Variants in GFRA2 observed in about 807,000 individuals in gnomAD.
GFRA2 encodes GDNF family receptor alpha-2.
GFRA2 carries 17 observed loss-of-function variants against 48.3 expected under a neutral mutation model. The observed-to-expected ratio is 0.35, with a 90% CI of 0.24 to 0.53. GFRA2 has a LOEUF of 0.53. GFRA2 is among the 20% of genes least tolerant of loss of function. The pLI is 0.93. For missense variants in GFRA2, 660 were observed against 637.3 expected (o/e 1.04, Z -0.38); for synonymous variants, 305 against 257.2 (o/e 1.19, Z -1.78).
At chr8:21,707,380 G>T (rs1384203368) in intron 4 of GFRA2, among the ~76,000 whole-genome samples, 2 of 152,222 alleles carry the variant, frequency 1.3e-5, no homozygotes, top group Admixed American at 1.3e-4. Flanking sequence ...AGGCTGAGAG[G>T]GACTGAGCCA....
chr8:21,694,365 G>T (rs529825843), intron 8 of GFRA2, 99 bp downstream of exon 8: 2 of 1,159,186 alleles, frequency 1.7e-6, no homozygotes, highest in East Asian at 2.6e-5. Flanking sequence ...CAGCCCATGC[G>T]ATGAGATTTG....
At chr8:21,711,801 T>C (rs2117399304) in intron 4 of GFRA2, among the ~76,000 whole-genome samples, 1 of 152,114 alleles carries the variant, frequency 6.6e-6, no homozygotes, top group Non-Finnish European at 1.5e-5. Flanking sequence ...CAAAGGTCTC[T>C]GGTTTTCCTA....
intron 4 of GFRA2, among the ~76,000 whole-genome samples, chr8:21,710,443 C>A (rs890674194): frequency 1.3e-5 from 2 of 152,238 alleles, no homozygotes; most frequent in Admixed American, 1.3e-4. Flanking sequence ...CGGTCCCACA[C>A]AGGGCAAGTG....
At chr8:21,766,558 A>G (rs763738410) in intron 3 of GFRA2, among the ~76,000 whole-genome samples, 1 of 151,466 alleles carries the variant, frequency 6.6e-6, no homozygotes, top group African/African-American at 2.4e-5. Flanking sequence ...CAAACACACG[A>G]ACCAAGTGCA....
intron 4 of GFRA2, among the ~76,000 whole-genome samples, chr8:21,745,681 C>G (rs1441433013): frequency 1.3e-5 from 2 of 152,210 alleles, no homozygotes; most frequent in Non-Finnish European, 2.9e-5. Context: ...CAGGTGCCCC[C>G]TTGAGCCACC....
intron 4 of GFRA2, among the ~76,000 whole-genome samples, chr8:21,746,111 T>C (rs145629775): frequency 3.3e-5 from 5 of 152,152 alleles, no homozygotes; most frequent in East Asian, 1.9e-4. Flanking sequence ...AGGAGTGAAA[T>C]AGCCCACTGA....
chr8:21,809,462 C>A (rs935799294), intron 1 of GFRA2, among the ~76,000 whole-genome samples: 11 of 151,304 alleles, frequency 7.3e-5, no homozygotes, highest in Non-Finnish European at 1.0e-4. Flanking sequence ...GTAGCTGGGA[C>A]TACAGGCGCC....
At chr8:21,797,852 C>G (rs1807705338) in intron 2 of GFRA2, 1 of 152,140 alleles carries the variant, frequency 6.6e-6, no homozygotes, top group African/African-American at 2.4e-5. Context: ...CCTGGAAGTC[C>G]CTCAGACTGC....
chr8:21,808,617 G>A (rs1227177732), intron 1 of GFRA2, among the ~76,000 whole-genome samples: 2 of 152,206 alleles, frequency 1.3e-5, no homozygotes, highest in East Asian at 3.9e-4. Context: ...GGATGCTCAG[G>A]GAGGTTTGGC....
chr8:21,761,031 A>G (rs1455704536), intron 3 of GFRA2, among the ~76,000 whole-genome samples: 1 of 152,138 alleles, frequency 6.6e-6, no homozygotes, highest in Non-Finnish European at 1.5e-5. Context: ...GCGGGTAGAG[A>G]AAGGGAGGGT....
chr8:21,783,103 TC>T lies in GFRA2; in HGVS notation c.41-205del. 5 of 700,040 alleles carry T rather than the reference TC, an allele frequency of 7.1e-6. No homozygotes were observed. The South Asian group carries it at 7.5e-5, about 10-fold the overall frequency. The allele number at this position is 700,040 out of a possible 1,614,324, so 43.4% of individuals were successfully genotyped here. A position where few individuals can be genotyped will look rare whatever the true frequency, so the allele number is the denominator to read the frequency against. On this transcript the variant is annotated intron_variant, in intron 1 of 8. Transcript: ENST00000524240. ...CCCCTGGATGTAGGAGCAAGTTTTC[TC>T]CCTTTGCACTCCATTCCTCCTCAGC...
chr8:21,751,077 G>A, intron 3 of GFRA2, 135 bp from the exon 4 acceptor site: 1 of 657,722 alleles, frequency 1.5e-6, no homozygotes, highest in Non-Finnish European at 2.6e-6. Flanking sequence ...TTCCCCCTTT[G>A]CGAAATGGGG....
chr8:21,700,790 T>C (rs1158472357), intron 7 of GFRA2, among the ~76,000 whole-genome samples: 2 of 152,074 alleles, frequency 1.3e-5, no homozygotes, highest in Admixed American at 6.5e-5. Context: ...TGCCTCTCCC[T>C]CTAGGGTGTA....
chr8:21,713,957 A>G (rs4237075), intron 4 of GFRA2, among the ~76,000 whole-genome samples: 110,612 of 152,102 alleles, frequency 0.73, 40,387 homozygotes, highest in East Asian at 0.8. Flanking sequence ...CGCCACAGCC[A>G]GAGAAAGCCC....
chr8:21,782,788 G>A lies in GFRA2; in HGVS notation c.152C>T (p.Ser51Phe). The A allele has an allele frequency of 6.3e-7, 1 of 1,587,108 alleles. No homozygotes were observed. The change falls in exon 2 of 9, where the codon TCC becomes TTC. Residue 51 changes from serine to phenylalanine, a missense_variant. Transcript: ENST00000524240. ...VRANELCAAESNCSSRYRTLR... is the reference protein window; with the variant it reads ...VRANELCAAEFNCSSRYRTLR... The stretch of plus-strand genomic sequence containing the variant: ...AGTGCGGTAGCGAGAGCTGCAGTTG[G>A]ATTCGGCGGCACACAGCTCATTGGC...
chr8:21,741,063 T>C (rs1804722385), intron 4 of GFRA2, among the ~76,000 whole-genome samples: 1 of 152,206 alleles, frequency 6.6e-6, no homozygotes, highest in Non-Finnish European at 1.5e-5. Flanking sequence ...CCTCCCTTAA[T>C]TCTCCACACA....
chr8:21,762,044 T>C lies in GFRA2; in HGVS notation c.440-11102A>G, dbSNP rs187504260. On this transcript the variant is annotated intron_variant, in intron 3 of 8. Coordinates refer to ENST00000524240, the MANE Select transcript of GFRA2 (RefSeq NM_001495.5). Reference sequence around the variant, plus strand: ...TGGCTACCTTCACATTACACTGCCCTGCTAGGAAAAGAAGTCAGTCCCTTG... The same window carrying C: ...TGGCTACCTTCACATTACACTGCCCCGCTAGGAAAAGAAGTCAGTCCCTTG... Among the ~76,000 whole-genome samples the C allele has an allele frequency of 3.5e-3, 534 of 152,304 alleles. 2 individuals carry two copies. The highest frequency in any genetic ancestry group is 7.9e-3 in the Admixed American group (121 of 15,288).
At chr8:21,810,288 A>G (rs1343275830) in intron 1 of GFRA2, among the ~76,000 whole-genome samples, 1 of 151,898 alleles carries the variant, frequency 6.6e-6, no homozygotes, top group Non-Finnish European at 1.5e-5. Flanking sequence ...GACCCACAAC[A>G]TGCAATCCTT....
chr8:21,790,165 G>T (rs1034487162), upstream of GFRA2: 4 of 906,538 alleles, frequency 4.4e-6, no homozygotes, highest in African/African-American at 7.2e-5. Flanking sequence ...GTGCGGCTGC[G>T]GTCACGTTCC....
Sources: gnomAD v4.1 joint callset for allele counts (sites outside exome capture counted in the v4.1 genomes callset) on GRCh38, gnomAD v4.1.1 for gene constraint, MANE v1.5 for transcripts, NCBI Gene and HGNC (gene_info 2026-07-23, HGNC 2026-07-21) for gene names.